Variants in CACNA1I observed in about 807,000 individuals in gnomAD.
CACNA1I encodes calcium voltage-gated channel subunit alpha1 I, also known as voltage-dependent T-type calcium channel subunit alpha-1I.
Under a neutral mutation model 201.6 loss-of-function variants are expected in CACNA1I, and 74 were observed. That is an observed-to-expected ratio of 0.37 (90% confidence interval 0.30 to 0.45). The LOEUF (loss-of-function observed/expected upper bound fraction) is 0.45. Ranked by LOEUF, CACNA1I falls within the 20% of genes least tolerant of loss-of-function variation. The pLI, the probability that CACNA1I is intolerant of heterozygous loss-of-function variation, is 1.00. For synonymous variants in CACNA1I, 1,431 were observed against 1,345.2 expected, an observed-to-expected ratio of 1.06 and a Z score of -1.40; for missense variants, 2,346 against 3,138.1, an observed-to-expected ratio of 0.75 and a Z score of 6.03.
chr22:39,594,598 G>A (rs1041929268), intron 1 of CACNA1I, among the ~76,000 whole-genome samples: 2 of 152,054 alleles, frequency 1.3e-5, no homozygotes, highest in African/African-American at 4.8e-5. Context: ...CGAGTAGGCA[G>A]CATCCCAAAG....
intron 3 of CACNA1I, among the ~76,000 whole-genome samples, chr22:39,614,933 G>T (rs183888598): frequency 1.3e-5 from 2 of 152,350 alleles, no homozygotes; most frequent in African/African-American, 4.8e-5. Context: ...CTGGCAGGAG[G>T]TAGTGGGGAG....
chr22:39,686,084 G>T lies in CACNA1I; in HGVS notation c.6351G>T (p.Gly2117=). Residue 2117 remains glycine, a synonymous_variant, in exon 37 of 37, where the codon GGG becomes GGT. Transcript: ENST00000402142. ...AGGGCCGCGGTGGCGCGGGCGGCGGGGGCGCGGGCAGCGAGCACTCGGAGA... is the reference window on the plus strand; with the variant it reads ...AGGGCCGCGGTGGCGCGGGCGGCGGTGGCGCGGGCAGCGAGCACTCGGAGA... ...DEEGRGGAGG[G]GAGSEHSETL... is the part of the protein sequence containing the mutation. 1 of 1,235,458 alleles carries T rather than the reference G, an allele frequency of 8.1e-7. No individual in the cohort carries two copies. The highest frequency in any genetic ancestry group is 1.0e-6 in the Non-Finnish European group (1 of 992,534). The allele number at this position is 1,235,458 out of a possible 1,614,324, so 76.5% of individuals were successfully genotyped here.
intron 2 of CACNA1I, among the ~76,000 whole-genome samples, 166 bp downstream of exon 2, chr22:39,598,428 T>A (rs576745654): frequency 6.8e-6 from 1 of 147,256 alleles, no homozygotes; most frequent in African/African-American, 2.5e-5. Context: ...TACCAAGCGC[T>A]GCCGCACTCA....
At chr22:39,680,109 G>T (rs1030571716) in intron 33 of CACNA1I, among the ~76,000 whole-genome samples, 2 of 152,210 alleles carry the variant, frequency 1.3e-5, no homozygotes, top group African/African-American at 2.4e-5. Context: ...AGGTGCTTGG[G>T]TAGGGCAGCT....
chr22:39,664,445 C>T (rs935087769), intron 20 of CACNA1I, among the ~76,000 whole-genome samples: 1 of 152,112 alleles, frequency 6.6e-6, no homozygotes. Flanking sequence ...GGGGAAGCAT[C>T]CCGTCTGGGG....
chr22:39,664,294 G>C, intron 20 of CACNA1I, 135 bp downstream of exon 20: 1 of 714,962 alleles, frequency 1.4e-6, no homozygotes. Context: ...CACCCCTCTG[G>C]GTGCCAGCCC....
chr22:39,666,589 G>T lies in CACNA1I; in HGVS notation c.4104+583G>T, dbSNP rs1438853673. Among the ~76,000 whole-genome samples, 1 of 152,196 alleles carries T rather than the reference G, an allele frequency of 6.6e-6. No homozygotes were observed. The highest frequency in any genetic ancestry group is 2.4e-5 in the African/African-American group (1 of 41,454). On this transcript the variant is annotated intron_variant, in intron 23 of 36. Coordinates refer to ENST00000402142, the MANE Select transcript of CACNA1I (RefSeq NM_021096.4). This position sits in a 1 kb window ranked among gnomAD's most constrained non-coding sequence, Gnocchi z 4.1. ...GTGACCCATCTGGGCAGTGCCCCAGGTGAGGGCCCTTGGCTGGCTGCCTCC... is the reference window on the plus strand; with the variant it reads ...GTGACCCATCTGGGCAGTGCCCCAGTTGAGGGCCCTTGGCTGGCTGCCTCC...
chr22:39,651,514 A>T (rs1281084285), intron 10 of CACNA1I, among the ~76,000 whole-genome samples: 1 of 151,890 alleles, frequency 6.6e-6, no homozygotes, highest in African/African-American at 2.4e-5. Context: ...GGCCCCCAGG[A>T]CCCCCTTGCT....
At chr22:39,651,872 G>A (rs538192946) in intron 10 of CACNA1I, among the ~76,000 whole-genome samples, 1 of 152,172 alleles carries the variant, frequency 6.6e-6, no homozygotes, top group African/African-American at 2.4e-5. Flanking sequence ...CCAGGGTCCA[G>A]CTGGTCCCTG....
intron 1 of CACNA1I, among the ~76,000 whole-genome samples, chr22:39,572,157 T>C (rs1339386511): frequency 1.3e-5 from 2 of 152,040 alleles, no homozygotes; most frequent in Non-Finnish European, 1.5e-5. Context: ...AGGGCAGGAT[T>C]TGAAGCAGGG....
At chr22:39,594,981 G>A (rs906936325) in intron 1 of CACNA1I, among the ~76,000 whole-genome samples, 2 of 152,188 alleles carry the variant, frequency 1.3e-5, no homozygotes, top group South Asian at 2.1e-4. Context: ...GAGATGAGTA[G>A]CAACCAATAA....
At chr22:39,609,789 C>T (rs79637890) in intron 3 of CACNA1I, among the ~76,000 whole-genome samples, 10 of 152,214 alleles carry the variant, frequency 6.6e-5, no homozygotes, top group Admixed American at 2.6e-4. Context: ...GGGGGCACTC[C>T]GAGTCAGCCA....
intron 2 of CACNA1I, among the ~76,000 whole-genome samples, chr22:39,599,768 G>T (rs1377475852): frequency 6.6e-6 from 1 of 152,176 alleles, no homozygotes; most frequent in African/African-American, 2.4e-5. Flanking sequence ...GCCTCATGGT[G>T]AGTTCACCGA....
chr22:39,660,835 A>G (rs1400375034), intron 15 of CACNA1I, among the ~76,000 whole-genome samples: 1 of 152,056 alleles, frequency 6.6e-6, no homozygotes, highest in Admixed American at 6.6e-5. Context: ...CTTGTTTCCC[A>G]TAGTGGGCAT....
chr22:39,671,300 A>T (rs922876855), intron 26 of CACNA1I, among the ~76,000 whole-genome samples: 11 of 152,202 alleles, frequency 7.2e-5, no homozygotes, highest in South Asian at 2.1e-4. Flanking sequence ...CAGCAATCCT[A>T]AGGCTGGCAG....
At chr22:39,584,827 C>T (rs1477531614) in intron 1 of CACNA1I, among the ~76,000 whole-genome samples, 1 of 152,176 alleles carries the variant, frequency 6.6e-6, no homozygotes, top group South Asian at 2.1e-4. Context: ...GTGGCTGTCA[C>T]CCATAGCAAT....
chr22:39,644,467 C>G (rs1010497345), intron 7 of CACNA1I, among the ~76,000 whole-genome samples: 2 of 152,160 alleles, frequency 1.3e-5, no homozygotes, highest in Non-Finnish European at 2.9e-5. Context: ...ATTATTGGGT[C>G]TCAGGTGGCC....
intron 19 of CACNA1I, 125 bp downstream of exon 19, chr22:39,663,966 G>A: frequency 6.5e-7 from 1 of 1,528,902 alleles, no homozygotes; most frequent in Admixed American, 1.7e-5. Context: ...TTTGGGGCGG[G>A]GAAAGCCTCC....
In CACNA1I at chr22:39,684,985, CG is replaced by C. The variant is rs1340101629; in HGVS notation, c.6027+490del. 2.2e-5 allele frequency: 5 copies of C among 222,748 alleles called. No homozygotes were observed. Among genetic ancestry groups the C allele is most frequent in the Non-Finnish European group, 4.4e-5 (5 of 113,120 alleles). 13.8% of individuals were successfully genotyped at this position (222,748 alleles called of 1,614,324 possible). A position where few individuals can be genotyped will look rare whatever the true frequency, so the allele number is the denominator to read the frequency against. ...GCCAGGGCCACAGCCCTCCTACCCA[CG>C]GGCACACAGAGGTCTGAAGCACTGA... On this transcript the variant is annotated intron_variant, in intron 36 of 36. Transcript: ENST00000402142. This position sits in a 1 kb window ranked among gnomAD's most constrained non-coding sequence, Gnocchi z 4.6.
Sources: allele counts gnomAD v4.1 joint callset (sites outside exome capture counted in the v4.1 genomes callset), GRCh38; gene constraint gnomAD v4.1.1; non-coding constraint Gnocchi (gnomAD v3.1); transcripts MANE v1.5; gene names NCBI Gene and HGNC (gene_info 2026-07-23, HGNC 2026-07-21).